MED26: variants seen among roughly 807,000 people sequenced by gnomAD.
The protein encoded by MED26 is mediator of RNA polymerase II transcription subunit 26.
In MED26, 7 loss-of-function variants were observed where a neutral mutation model predicts 43.7. The observed-to-expected ratio is 0.16, with a 90% CI of 0.09 to 0.30. The LOEUF (loss-of-function observed/expected upper bound fraction) is 0.30, where lower values mean the gene tolerates loss of function less well. Ranked by LOEUF, MED26 falls within the 10% of genes least tolerant of loss-of-function variation. The pLI is 1.00. For synonymous variants in MED26, 375 were observed against 371.1 expected (o/e 1.01, Z -0.12); for missense variants, 784 against 840.6 (o/e 0.93, Z 0.83).
chr19:16,585,932 G>A (rs1407958120), intron 1 of MED26, among the ~76,000 whole-genome samples: 1 of 152,226 alleles, frequency 6.6e-6, no homozygotes, highest in Non-Finnish European at 1.5e-5. Flanking sequence ...GGGTGTGTAA[G>A]TAAAACCCTC....
At chr19:16,617,658 G>A (rs2086232229) in intron 1 of MED26, among the ~76,000 whole-genome samples, 1 of 152,188 alleles carries the variant, frequency 6.6e-6, no homozygotes, top group African/African-American at 2.4e-5. Flanking sequence ...TTTAAGCTCA[G>A]CTCAGTGTTT....
chr19:16,621,115 A>G (rs1255272781), intron 1 of MED26, among the ~76,000 whole-genome samples: 2 of 152,198 alleles, frequency 1.3e-5, no homozygotes, highest in African/African-American at 2.4e-5. Context: ...TTCAGCTTCC[A>G]TGCTGGGCAC....
chr19:16,608,704 C>T (rs1346908077), intron 1 of MED26, among the ~76,000 whole-genome samples: 1 of 152,226 alleles, frequency 6.6e-6, no homozygotes, highest in Non-Finnish European at 1.5e-5. Context: ...AACACAGTCA[C>T]GCTCATTCAC....
intron 1 of MED26, chr19:16,589,250 G>C (rs964215163): frequency 6.6e-6 from 1 of 152,216 alleles, no homozygotes; most frequent in Non-Finnish European, 1.5e-5. Flanking sequence ...AAAGAGTCTG[G>C]TGACTCTGTG....
intron 1 of MED26, among the ~76,000 whole-genome samples, chr19:16,605,080 A>G (rs535584245): frequency 6.6e-6 from 1 of 152,316 alleles, no homozygotes; most frequent in Admixed American, 6.5e-5. Context: ...AGTTACGGAA[A>G]TATTCTACAC....
chr19:16,584,659 G>A (rs1248379224), intron 1 of MED26, among the ~76,000 whole-genome samples: 3 of 152,202 alleles, frequency 2.0e-5, no homozygotes, highest in Non-Finnish European at 4.4e-5. Context: ...ACGCATCCTC[G>A]TCTTTCAGTG....
At chr19:16,596,355 G>A (rs1308059805) in intron 1 of MED26, among the ~76,000 whole-genome samples, 1 of 152,252 alleles carries the variant, frequency 6.6e-6, no homozygotes, top group African/African-American at 2.4e-5. Flanking sequence ...AGGTATGGCA[G>A]TGTGTCTCCA....
intron 1 of MED26, among the ~76,000 whole-genome samples, chr19:16,620,073 AAG>A (rs1220970449): frequency 1.3e-5 from 2 of 152,170 alleles, no homozygotes; most frequent in African/African-American, 2.4e-5. Flanking sequence ...CCTGACGAGA[AAG>A]AGAGGAAAAC....
At chr19:16,614,437 G>A (rs1276412842) in intron 1 of MED26, among the ~76,000 whole-genome samples, 1 of 152,114 alleles carries the variant, frequency 6.6e-6, no homozygotes, top group Non-Finnish European at 1.5e-5. Context: ...GCTGAGGTAG[G>A]AGGATCACTT....
chr19:16,587,274 A>C lies in MED26; in HGVS notation c.73-8865T>G, dbSNP rs972755537. 6 of 152,042 alleles carry C rather than the reference A, an allele frequency of 3.9e-5. No homozygotes were observed. The highest frequency in any genetic ancestry group is 2.6e-4 in the Admixed American group (4 of 15,254). 9.4% of individuals were successfully genotyped at this position (152,042 alleles called of 1,614,324 possible). ...GTGTTCCCAGGCAGCTGGGAGCCAA[A>C]CTGCCTCTGGTGCAAGTCAGTACAA... On this transcript the variant is annotated intron_variant, in intron 1 of 2. Coordinates refer to ENST00000263390, the MANE Select transcript of MED26 (RefSeq NM_004831.5). This position sits in a 1 kb window ranked among gnomAD's most constrained non-coding sequence, Gnocchi z 4.9.
Position 16,576,984 on chromosome 19 carries a change from G to T in MED26, c.846C>A (p.Gly282=), listed in dbSNP as rs1258307185. The T allele has an allele frequency of 1.6e-5, 25 of 1,604,424 alleles. No homozygotes were observed. The highest frequency in any genetic ancestry group is 2.0e-5 in the Non-Finnish European group (24 of 1,173,882). ...ACAAGCTCTGCTGCCGGGCAAAGGA[G>T]CCCTCATGCCGTGAGTTCCGAGGAC... ...SFSPRNSRHE[G]SFARQQSLYA... The change falls in exon 3 of 3, where the codon GGC becomes GGA. Residue 282 remains glycine, a synonymous_variant. Coordinates refer to ENST00000263390, the MANE Select transcript of MED26 (RefSeq NM_004831.5). The surrounding 1 kb of genome is among the most constrained non-coding windows in gnomAD (Gnocchi z 6.8).
intron 1 of MED26, among the ~76,000 whole-genome samples, chr19:16,607,198 A>C (rs2086177599): frequency 6.6e-6 from 1 of 151,944 alleles, no homozygotes; most frequent in African/African-American, 2.4e-5. Flanking sequence ...AGATAATAAA[A>C]ATAAAAATTT....
chr19:16,593,655 G>C (rs2086108007), intron 1 of MED26, among the ~76,000 whole-genome samples: 1 of 152,090 alleles, frequency 6.6e-6, no homozygotes, highest in Non-Finnish European at 1.5e-5. Flanking sequence ...AACACCTAGA[G>C]AGCAAACACG....
chr19:16,602,117 T>A (rs922711859), intron 1 of MED26, among the ~76,000 whole-genome samples: 1 of 152,234 alleles, frequency 6.6e-6, no homozygotes, highest in Non-Finnish European at 1.5e-5. Context: ...GACGTGCACC[T>A]GCTGGTTCAT....
chr19:16,577,501 T>G lies in MED26; in HGVS notation c.329A>C (p.Asn110Thr). ...AGCCGCCCCCACCTCCGGCCGGCAG[T>G]TGTGTGCGCCCCCGTTGGCAGAGCC... is the stretch of plus-strand genomic sequence containing the variant. ...ATGSANGGAHNCRPEVGAAGP... is the reference protein window; with the variant it reads ...ATGSANGGAHTCRPEVGAAGP... Residue 110 changes from asparagine to threonine, a missense_variant, in exon 3 of 3, where the codon AAC (asparagine) becomes ACC (threonine). Asn to Thr is a moderately conservative substitution (Grantham distance 65, BLOSUM62 0). This residue lies in a region of MED26 where 719 missense variants were observed against 730.9 expected (regional missense o/e 0.98). Transcript: ENST00000263390. This position sits in a 1 kb window ranked among gnomAD's most constrained non-coding sequence, Gnocchi z 8.1. 6.3e-7 allele frequency: 1 copy of G among 1,595,550 alleles called. No homozygotes were observed.
chr19:16,614,527 A>G (rs2086214153), intron 1 of MED26, among the ~76,000 whole-genome samples: 1 of 151,682 alleles, frequency 6.6e-6, no homozygotes, highest in South Asian at 2.1e-4. Context: ...ACCCCATTTC[A>G]AAATAAAATA....
chr19:16,613,891 C>A (rs1481357546), intron 1 of MED26, among the ~76,000 whole-genome samples: 1 of 152,150 alleles, frequency 6.6e-6, no homozygotes, highest in Admixed American at 6.5e-5. Context: ...GATCCATGCC[C>A]TGGGCTTGGT....
intron 1 of MED26, among the ~76,000 whole-genome samples, chr19:16,580,261 C>T (rs2086038152): frequency 6.6e-6 from 1 of 152,196 alleles, no homozygotes; most frequent in African/African-American, 2.4e-5. Flanking sequence ...ACACATTTAT[C>T]ATCTTAGGCT....
At chr19:16,596,862 T>C (rs2086122242) in intron 1 of MED26, among the ~76,000 whole-genome samples, 1 of 152,226 alleles carries the variant, frequency 6.6e-6, no homozygotes, top group Admixed American at 6.5e-5. Flanking sequence ...TCCCAGCCTG[T>C]AGCCCTTGCA....
Sources: gnomAD v4.1 joint callset for allele counts (sites outside exome capture counted in the v4.1 genomes callset) on GRCh38, gnomAD v4.1.1 for gene constraint, gnomAD v4.1.1 regional missense constraint, Gnocchi (gnomAD v3.1) non-coding constraint, MANE v1.5 for transcripts, NCBI Gene and HGNC (gene_info 2026-07-23, HGNC 2026-07-21) for gene names.